The following TUSC3 variants were observed in gnomAD, a reference collection of about 807,000 sequenced individuals.
The protein encoded by TUSC3 is dolichyl-diphosphooligosaccharide--protein glycosyltransferase subunit TUSC3.
In TUSC3, 45 loss-of-function variants were observed where a neutral mutation model predicts 44.8. That is an observed-to-expected ratio of 1.00 (90% CI 0.79 to 1.29). The LOEUF is 1.29. TUSC3 is among the 50% of genes most tolerant of loss of function. TUSC3 has a pLI of 0.00. For synonymous variants in TUSC3, 212 were observed against 152.9 expected, an observed-to-expected ratio of 1.39 and a Z score of -2.85; for missense variants, 519 against 437.9, an observed-to-expected ratio of 1.19 and a Z score of -1.65.
intron 8 of TUSC3, among the ~76,000 whole-genome samples, chr8:15,747,856 T>TATTCCTTGCTTTC (rs1811488285): frequency 6.6e-6 from 1 of 152,114 alleles, no homozygotes; most frequent in Non-Finnish European, 1.5e-5. Flanking sequence ...TCCAAGCTTT[T>TATTCCTTGCTTTC]ATTCCTTGCT....
intron 2 of TUSC3, among the ~76,000 whole-genome samples, chr8:15,634,029 G>C (rs1475530620): frequency 6.6e-6 from 1 of 152,170 alleles, no homozygotes. Context: ...GATCTCTACT[G>C]TGATCCGAGG....
At chr8:15,464,410 T>C (rs1344712534) in intron 1 of TUSC3, among the ~76,000 whole-genome samples, 1 of 152,184 alleles carries the variant, frequency 6.6e-6, no homozygotes, top group Non-Finnish European at 1.5e-5. Flanking sequence ...CAAATATTTC[T>C]TGGATCCCTA....
chr8:15,469,821 T>C (rs2129122848), intron 1 of TUSC3, among the ~76,000 whole-genome samples: 1 of 152,260 alleles, frequency 6.6e-6, no homozygotes, highest in Admixed American at 6.5e-5. Context: ...TAAAAATAAA[T>C]GAGCTATGAA....
intron 9 of TUSC3, among the ~76,000 whole-genome samples, chr8:15,753,777 T>G (rs1393693809): frequency 6.6e-6 from 1 of 152,010 alleles, no homozygotes; most frequent in Non-Finnish European, 1.5e-5. Flanking sequence ...TAGCAGAGAT[T>G]TGGACACACC....
chr8:15,604,971 G>C (rs1243014437), intron 1 of TUSC3, among the ~76,000 whole-genome samples: 1 of 151,680 alleles, frequency 6.6e-6, no homozygotes, highest in Non-Finnish European at 1.5e-5. Flanking sequence ...TCAGTTTTTT[G>C]GTAAAGAGAT....
At chr8:15,822,100 G>C in the TUSC3 span, among the ~76,000 whole-genome samples, 1 of 152,136 alleles carries the variant, frequency 6.6e-6, no homozygotes, top group African/African-American at 2.4e-5. Flanking sequence ...AAGAAAGTGA[G>C]ATACCAATAT....
At chr8:15,745,935 C>G (rs900734458) in intron 8 of TUSC3, among the ~76,000 whole-genome samples, 2 of 151,880 alleles carry the variant, frequency 1.3e-5, no homozygotes, top group Non-Finnish European at 2.9e-5. Context: ...TACTTTTCAT[C>G]TATATGGTGA....
intron 6 of TUSC3, among the ~76,000 whole-genome samples, chr8:15,678,836 G>T (rs1479663844): frequency 1.3e-5 from 2 of 152,068 alleles, no homozygotes; most frequent in Non-Finnish European, 2.9e-5. Flanking sequence ...ATGTTCGTAT[G>T]CACCCAAGGT....
intron 1 of TUSC3, among the ~76,000 whole-genome samples, chr8:15,419,619 A>T (rs1437163572): frequency 6.6e-6 from 1 of 152,220 alleles, no homozygotes; most frequent in East Asian, 1.9e-4. Context: ...CAGTGAATTC[A>T]ATTAAATAAT....
At chr8:15,606,508 T>C (rs573371174) in intron 1 of TUSC3, among the ~76,000 whole-genome samples, 35 of 152,166 alleles carry the variant, frequency 2.3e-4, no homozygotes, top group African/African-American at 7.7e-4. Context: ...TTCAAATATT[T>C]AGCATGTATG....
the TUSC3 span, among the ~76,000 whole-genome samples, chr8:15,798,311 C>T: frequency 3.3e-5 from 5 of 152,164 alleles, no homozygotes; most frequent in Non-Finnish European, 5.9e-5. Context: ...CATTTTCTTT[C>T]ACGGGTCTGC....
At chr8:15,591,516 T>C (rs1429717538) in intron 1 of TUSC3, among the ~76,000 whole-genome samples, 1 of 152,226 alleles carries the variant, frequency 6.6e-6, no homozygotes, top group Non-Finnish European at 1.5e-5. Context: ...TTGTCAATGG[T>C]AATTCTAGTA....
At chr8:15,772,128 T>G in the TUSC3 span, among the ~76,000 whole-genome samples, 1 of 151,444 alleles carries the variant, frequency 6.6e-6, no homozygotes, top group East Asian at 2.0e-4. Flanking sequence ...TGAATTAATA[T>G]CCCAAGTACA....
At chr8:15,662,645 A>G (rs1807476152) in intron 5 of TUSC3, among the ~76,000 whole-genome samples, 1 of 151,966 alleles carries the variant, frequency 6.6e-6, no homozygotes, top group African/African-American at 2.4e-5. Flanking sequence ...TCATTCAGCT[A>G]TTTCTTTTCT....
At chr8:15,586,202 C>T (rs1247568335) in intron 1 of TUSC3, among the ~76,000 whole-genome samples, 30 of 152,122 alleles carry the variant, frequency 2.0e-4, no homozygotes, top group Admixed American at 2.0e-3. Context: ...CAATTTAAGT[C>T]AGTAGTGACT....
In TUSC3 at chr8:15,504,730, G is replaced by A. The variant is rs1177845398; in HGVS notation, n.189+21247G>A. On this transcript the variant is annotated intron_variant and non_coding_transcript_variant, in intron 2 of 5. Transcript: ENST00000503191. ...TGCAGTGGTGCGATCTTGGCTCACT[G>A]CAACCTCTGCCTCCTGGGTTCAAGC... Among the ~76,000 whole-genome samples the A allele has an allele frequency of 4.1e-5, 6 of 145,098 alleles. 1 individual carries two copies. Among genetic ancestry groups the A allele is most frequent in the South Asian group, 4.5e-4 (2 of 4,484 alleles).
At chr8:15,823,368 C>A in the TUSC3 span, among the ~76,000 whole-genome samples, 1 of 152,138 alleles carries the variant, frequency 6.6e-6, no homozygotes, top group Non-Finnish European at 1.5e-5. Context: ...TGGACTGCCT[C>A]ATTTCAAAAC....
At chr8:15,622,282 C>G (rs901212471) in intron 1 of TUSC3, among the ~76,000 whole-genome samples, 3 of 150,922 alleles carry the variant, frequency 2.0e-5, no homozygotes, top group Non-Finnish European at 1.5e-5. Context: ...AGATAAGAGC[C>G]TTTTTTTTTC....
At chr8:15,454,531 C>T (rs1298552230) in intron 1 of TUSC3, among the ~76,000 whole-genome samples, 1 of 152,154 alleles carries the variant, frequency 6.6e-6, no homozygotes, top group Non-Finnish European at 1.5e-5. Context: ...TATTAATGTT[C>T]CAACTAGTTT....
Sources: gnomAD v4.1 joint callset for allele counts (sites outside exome capture counted in the v4.1 genomes callset) on GRCh38, gnomAD v4.1.1 for gene constraint, MANE v1.5 for transcripts, NCBI Gene and HGNC (gene_info 2026-07-23, HGNC 2026-07-21) for gene names.